The following GAREM1 variants were observed in gnomAD, a reference collection of about 807,000 sequenced individuals.
The protein encoded by GAREM1 is GRB2-associated and regulator of MAPK protein 1.
In GAREM1, 26 loss-of-function variants were observed where a neutral mutation model predicts 71.3. The observed-to-expected ratio is 0.36, with a 90% CI of 0.27 to 0.51. The LOEUF (loss-of-function observed/expected upper bound fraction) is 0.51, where lower values mean the gene tolerates loss of function less well. Ranked by LOEUF, GAREM1 falls within the 20% of genes least tolerant of loss-of-function variation. GAREM1 has a pLI of 0.95. For synonymous variants in GAREM1, 440 were observed against 433.2 expected (o/e 1.02, Z -0.20); for missense variants, 1,026 against 1,103.1 (o/e 0.93, Z 0.99).
chr18:32,429,986 C>T (rs1019918182), intron 1 of GAREM1, among the ~76,000 whole-genome samples: 15 of 152,136 alleles, frequency 9.9e-5, no homozygotes, highest in African/African-American at 3.6e-4. Flanking sequence ...AACTGAGTAA[C>T]ATGAAACTGA....
intron 1 of GAREM1, among the ~76,000 whole-genome samples, chr18:32,410,204 A>C (rs1285642143): frequency 2.0e-5 from 3 of 152,168 alleles, no homozygotes; most frequent in Non-Finnish European, 2.9e-5. Context: ...CTAAGATCCC[A>C]ACCTCTCCAT....
intron 1 of GAREM1, among the ~76,000 whole-genome samples, chr18:32,433,782 G>A (rs1332209824): frequency 6.6e-6 from 1 of 152,048 alleles, no homozygotes. Flanking sequence ...AAATCTTTGA[G>A]AGAAATCAAA....
intron 4 of GAREM1, among the ~76,000 whole-genome samples, chr18:32,281,978 C>A (rs1017673498): frequency 5.3e-5 from 8 of 152,190 alleles, no homozygotes; most frequent in Non-Finnish European, 1.2e-4. Flanking sequence ...AAGTCCTTTT[C>A]CTAGCTCATC....
At position 32,328,351 on chromosome 18, in the gene GAREM1, A is replaced by G. The variant is rs75560027; in HGVS notation, c.263-18028T>C. Among the ~76,000 whole-genome samples the G allele has an allele frequency of 2.9e-3, 441 of 152,368 alleles. 3 individuals are homozygous for G. The highest frequency in any genetic ancestry group is 0.01 in the African/African-American group (428 of 41,590). On this transcript the variant is annotated intron_variant, in intron 2 of 5. Coordinates refer to ENST00000269209, the MANE Select transcript of GAREM1 (RefSeq NM_001242409.2). Reference sequence around the variant, plus strand: ...GATAAACTCAATTACTGCAGGAGATAGTGGGATAGGACCTAAATTTATGCT... The same window carrying G: ...GATAAACTCAATTACTGCAGGAGATGGTGGGATAGGACCTAAATTTATGCT...
At chr18:32,326,456 T>C (rs114837741) in intron 2 of GAREM1, among the ~76,000 whole-genome samples, 161 of 152,306 alleles carry the variant, frequency 1.1e-3, no homozygotes, top group African/African-American at 3.8e-3. Context: ...AGGCCCTACA[T>C]TGTAGAGAGC....
intron 1 of GAREM1, among the ~76,000 whole-genome samples, chr18:32,401,356 T>C (rs894390622): frequency 2.0e-5 from 3 of 150,576 alleles, no homozygotes; most frequent in Non-Finnish European, 4.4e-5. Context: ...ACTAATTGAA[T>C]ATAAAAAAGA....
chr18:32,426,714 G>GT (rs1367121125), intron 1 of GAREM1, among the ~76,000 whole-genome samples: 1 of 152,004 alleles, frequency 6.6e-6, no homozygotes, highest in African/African-American at 2.4e-5. Context: ...GTCAACCTTT[G>GT]TAACCTTCAG....
intron 2 of GAREM1, among the ~76,000 whole-genome samples, chr18:32,311,351 C>A (rs979203396): frequency 7.2e-5 from 11 of 152,168 alleles, no homozygotes; most frequent in African/African-American, 2.4e-4. Context: ...ATATTCTCAA[C>A]ACAATTTTTT....
chr18:32,445,396 T>C (rs2048776751), intron 1 of GAREM1, among the ~76,000 whole-genome samples: 1 of 152,124 alleles, frequency 6.6e-6, no homozygotes, highest in South Asian at 2.1e-4. Flanking sequence ...GTAAGCAGTA[T>C]ACCTATGATC....
chr18:32,456,511 G>C (rs1020581138), intron 1 of GAREM1, among the ~76,000 whole-genome samples: 1 of 152,070 alleles, frequency 6.6e-6, no homozygotes, highest in Non-Finnish European at 1.5e-5. Context: ...TGGACTTTTT[G>C]GATAGCATTC....
intron 1 of GAREM1, among the ~76,000 whole-genome samples, chr18:32,429,105 G>T (rs1417601494): frequency 2.0e-5 from 3 of 152,090 alleles, no homozygotes; most frequent in Non-Finnish European, 2.9e-5. Context: ...AACGGGCAAG[G>T]TAAGTTTCAG....
chr18:32,282,717 C>A (rs1321311828), intron 4 of GAREM1, among the ~76,000 whole-genome samples: 1 of 152,112 alleles, frequency 6.6e-6, no homozygotes, highest in Non-Finnish European at 1.5e-5. Flanking sequence ...GCTAACCCTG[C>A]AGTTTTGATA....
intron 2 of GAREM1, among the ~76,000 whole-genome samples, chr18:32,330,244 T>G (rs571773930): frequency 1.3e-5 from 2 of 152,308 alleles, no homozygotes; most frequent in South Asian, 4.1e-4. Context: ...CCTAAGTGAA[T>G]TAATGCAGGT....
intron 1 of GAREM1, among the ~76,000 whole-genome samples, chr18:32,434,576 A>G (rs929134898): frequency 6.6e-6 from 1 of 152,164 alleles, no homozygotes; most frequent in Non-Finnish European, 1.5e-5. Context: ...GCAACAAATT[A>G]AATAGGAATA....
intron 2 of GAREM1, among the ~76,000 whole-genome samples, chr18:32,360,553 G>A (rs149691659): frequency 1.0e-3 from 159 of 152,116 alleles, no homozygotes; most frequent in African/African-American, 3.7e-3. Flanking sequence ...TGTATCTACA[G>A]ATCTTTTTTG....
intron 3 of GAREM1, among the ~76,000 whole-genome samples, chr18:32,307,844 T>A (rs777835292): frequency 4.5e-4 from 68 of 152,182 alleles, no homozygotes; most frequent in Admixed American, 2.0e-3. Flanking sequence ...TATTTTTAAT[T>A]GAAGAAGACC....
intron 1 of GAREM1, among the ~76,000 whole-genome samples, chr18:32,416,110 G>A (rs539600392): frequency 3.3e-5 from 5 of 151,768 alleles, no homozygotes; most frequent in South Asian, 2.1e-4. Flanking sequence ...TCAAAAAAGC[G>A]ATCACTTACA....
chr18:32,330,872 T>C (rs1203902783), intron 2 of GAREM1, among the ~76,000 whole-genome samples: 1 of 152,196 alleles, frequency 6.6e-6, no homozygotes, highest in East Asian at 1.9e-4. Flanking sequence ...TTTGAGGGTC[T>C]TACAGCCAAG....
intron 4 of GAREM1, among the ~76,000 whole-genome samples, chr18:32,270,958 A>G (rs142849124): frequency 9.7e-4 from 130 of 134,178 alleles, no homozygotes; most frequent in African/African-American, 3.2e-3. Flanking sequence ...TTGGAATGCA[A>G]TGGCACAATC....
Sources: gnomAD v4.1 joint callset for allele counts (sites outside exome capture counted in the v4.1 genomes callset) on GRCh38, gnomAD v4.1.1 for gene constraint, MANE v1.5 for transcripts, NCBI Gene and HGNC (gene_info 2026-07-23, HGNC 2026-07-21) for gene names.